YRDC: variants seen among roughly 807,000 people sequenced by gnomAD.
The protein encoded by YRDC is yrdC N6-threonylcarbamoyltransferase domain containing, also known as threonylcarbamoyl-AMP synthase.
A neutral mutation model predicts 21.5 loss-of-function variants in YRDC; 17 were observed. That is an observed-to-expected ratio of 0.79 (90% CI 0.54 to 1.19). YRDC has a LOEUF of 1.19. YRDC is among the 50% of genes most tolerant of loss of function. The pLI, the probability that YRDC is intolerant of heterozygous loss-of-function variation, is 0.00. For missense variants in YRDC, 380 were observed against 397.1 expected (o/e 0.96, Z 0.37); for synonymous variants, 193 against 176.7 (o/e 1.09, Z -0.73).
chr1:37,808,073 C>A lies in YRDC; in HGVS notation c.108G>T (p.Pro36=). 3 of 1,358,678 alleles carry A rather than the reference C, an allele frequency of 2.2e-6. No homozygotes were observed. In the South Asian group the frequency reaches 5.2e-5, roughly 24 times the overall value. The allele number at this position is 1,358,678 out of a possible 1,614,324, so 84.2% of individuals were successfully genotyped here. ...CGCCGGGGGCCGCCGGAGCGGGACT[C>A]GGCGGGCGGAAGAGGCGACCGCTCC... is the stretch of plus-strand genomic sequence containing the variant. ...GSRSGRLFRP[P]SPAPAAPGAR... is the part of the protein sequence containing the mutation. The change falls in exon 1 of 5, where the codon CCG becomes CCT. Residue 36 remains proline (P), a synonymous_variant. Coordinates refer to ENST00000373044, the MANE Select transcript of YRDC (RefSeq NM_024640.4).
rs759011868 is a variant in YRDC at position 37,804,464 on chromosome 1, A to G, written c.625-20T>C. The stretch of plus-strand genomic sequence containing the variant: ...GAACTCCTGAGAAGAGGGAGAAGGA[A>G]GAGCATGGACACTATCCCTGGTGTA... On this transcript the variant is annotated intron_variant, in intron 3 of 4. Transcript: ENST00000373044. 1 of 1,606,822 alleles carries G rather than the reference A, an allele frequency of 6.2e-7. No homozygotes were observed. Among genetic ancestry groups the G allele is most frequent in the Admixed American group, 1.7e-5 (1 of 59,512 alleles).
In YRDC at chr1:37,806,881, G is replaced by A. The variant is rs984930220; in HGVS notation, c.600C>T (p.Ser200=). 1.7e-5 allele frequency: 27 copies of A among 1,614,068 alleles called. No homozygotes were observed. In the Admixed American group the frequency reaches 3.7e-4, roughly 22 times the overall value. The change falls in exon 3 of 5, where the codon TCC becomes TCT. Residue 200 remains serine (S), a synonymous_variant. Coordinates refer to ENST00000373044, the MANE Select transcript of YRDC (RefSeq NM_024640.4). ...CCTCGACATTCAGAGAACTGGCCTG[G>A]GAGCTGAGGTTGGCACTAGTGAGAG... is the stretch of plus-strand genomic sequence containing the variant. ...PLALTSANLS[S]QASSLNVEEF...
At position 37,807,118 on chromosome 1, in the gene YRDC, G is replaced by C. The variant is rs747955010; in HGVS notation, c.487C>G (p.Leu163Val). ...TGACTCACAGGCGTAAAAGGGTTTA[G>C]GTCCTTGTTGAGCTCCTCCGAGCGT... ...MERSEELNKD[L>V]NPFTPLVGIR... The change falls in exon 2 of 5, where the codon CTA (leucine) becomes GTA (valine). Residue 163 changes from leucine (L) to valine (V), a missense_variant. By Grantham distance (32) the Leu-to-Val change is conservative. Coordinates refer to ENST00000373044, the MANE Select transcript of YRDC (RefSeq NM_024640.4). 6.2e-7 allele frequency: 1 copy of C among 1,614,166 alleles called. No homozygotes were observed. Among genetic ancestry groups the C allele is most frequent in the South Asian group, 1.1e-5 (1 of 91,078 alleles).
intron 3 of YRDC, 32 bp from the exon 4 acceptor site, chr1:37,804,476 C>T (rs747706679): frequency 7.5e-6 from 12 of 1,598,984 alleles, no homozygotes; most frequent in Non-Finnish European, 8.5e-7. Context: ...AGCATGGACA[C>T]TATCCCTGGT....
rs139264695 is a variant in YRDC at position 37,805,774 on chromosome 1, G to A, written c.624+1083C>T. Among the ~76,000 whole-genome samples the A allele has an allele frequency of 3.3e-5, 5 of 152,282 alleles. No individual in the cohort carries two copies. In the East Asian group the frequency reaches 7.7e-4, roughly 24 times the overall value. On this transcript the variant is annotated intron_variant, in intron 3 of 4. Coordinates refer to ENST00000373044, the MANE Select transcript of YRDC (RefSeq NM_024640.4). ...TAGGTCTGGGAATGGAAAACCCATC[G>A]AATGGAGTTCTGAGCAGGGATACGG...
chr1:37,807,648 C>T, intron 1 of YRDC, 144 bp downstream of exon 1: 1 of 1,343,634 alleles, frequency 7.4e-7, no homozygotes, highest in Non-Finnish European at 9.6e-7. Flanking sequence ...CACGTTAAGT[C>T]CTCGGTACAT....
intron 3 of YRDC, among the ~76,000 whole-genome samples, chr1:37,805,463 C>G (rs546727604): frequency 1.3e-5 from 2 of 152,254 alleles, no homozygotes; most frequent in East Asian, 3.9e-4. Flanking sequence ...GGATACTCCC[C>G]CTAGAGCAGT....
chr1:37,804,907 T>C (rs1408391320), intron 3 of YRDC, among the ~76,000 whole-genome samples: 2 of 152,166 alleles, frequency 1.3e-5, no homozygotes, highest in Non-Finnish European at 2.9e-5. Flanking sequence ...AAGACAGGAC[T>C]AGGATGATCT....
rs146486213 is a variant in YRDC at position 37,806,326 on chromosome 1, A to G, written c.624+531T>C. Among the ~76,000 whole-genome samples the G allele has an allele frequency of 5.6e-3, 853 of 152,018 alleles. 7 individuals are homozygous for G. The highest frequency in any genetic ancestry group is 0.02 in the African/African-American group (809 of 41,450). Reference sequence around the variant, plus strand: ...AGTGATTCTCCTGCCTCAGCCTCCCAAGTAGCTGGGATTACAGGCATGCGC... The same window carrying G: ...AGTGATTCTCCTGCCTCAGCCTCCCGAGTAGCTGGGATTACAGGCATGCGC... On this transcript the variant is annotated intron_variant, in intron 3 of 4. Coordinates refer to ENST00000373044, the MANE Select transcript of YRDC (RefSeq NM_024640.4).
Sources: gnomAD v4.1 joint callset for allele counts (sites outside exome capture counted in the v4.1 genomes callset) on GRCh38, gnomAD v4.1.1 for gene constraint, MANE v1.5 for transcripts, NCBI Gene and HGNC (gene_info 2026-07-23, HGNC 2026-07-21) for gene names.